TBCK: variants seen among roughly 807,000 people sequenced by gnomAD.
TBCK encodes TBC1 domain containing kinase.
TBCK carries 99 observed loss-of-function variants against 113.4 expected under a neutral mutation model. The ratio of observed to expected loss-of-function variants is 0.87; its 90% confidence interval spans 0.74 to 1.03. The LOEUF (loss-of-function observed/expected upper bound fraction) is 1.03. TBCK is among the 50% of genes least tolerant of loss of function. The pLI is 0.00. For synonymous variants in TBCK, 369 were observed against 370.8 expected, an observed-to-expected ratio of 1.00 and a Z score of 0.05; for missense variants, 1,045 against 1,061.3, an observed-to-expected ratio of 0.98 and a Z score of 0.21.
At chr4:106,297,073 C>T (rs1474911480) in intron 2 of TBCK, among the ~76,000 whole-genome samples, 1 of 152,108 alleles carries the variant, frequency 6.6e-6, no homozygotes, top group East Asian at 1.9e-4. Context: ...CCCTCAGTAT[C>T]CTCTGTAAAT....
At chr4:106,288,156 G>C (rs1460157739) in intron 3 of TBCK, among the ~76,000 whole-genome samples, 1 of 151,298 alleles carries the variant, frequency 6.6e-6, no homozygotes, top group Non-Finnish European at 1.5e-5. Flanking sequence ...AACTCTGGGA[G>C]GCCGAGGCAG....
At chr4:106,107,497 A>T (rs1653804307) in intron 24 of TBCK, among the ~76,000 whole-genome samples, 1 of 152,238 alleles carries the variant, frequency 6.6e-6, no homozygotes, top group African/African-American at 2.4e-5. Flanking sequence ...TCAAAATCAT[A>T]CAATTACATA....
At chr4:106,049,005 A>G (rs183947855) in intron 25 of TBCK, among the ~76,000 whole-genome samples, 5 of 152,304 alleles carry the variant, frequency 3.3e-5, no homozygotes, top group Non-Finnish European at 4.4e-5. Context: ...TGTGTTTAAG[A>G]AAAAGAGCAA....
chr4:106,112,566 G>A (rs569335936), intron 24 of TBCK, among the ~76,000 whole-genome samples: 1 of 152,202 alleles, frequency 6.6e-6, no homozygotes, highest in South Asian at 2.1e-4. Context: ...TTTCCATTCA[G>A]CTCATCAATA....
intron 23 of TBCK, among the ~76,000 whole-genome samples, chr4:106,123,089 C>G (rs926382120): frequency 4.2e-4 from 64 of 152,248 alleles, no homozygotes; most frequent in African/African-American, 1.5e-3. Flanking sequence ...TCACATTGTC[C>G]CTGTTTGCAG....
At chr4:106,079,999 C>T (rs1738669703) in intron 25 of TBCK, among the ~76,000 whole-genome samples, 3 of 152,150 alleles carry the variant, frequency 2.0e-5, no homozygotes, top group Admixed American at 2.0e-4. Flanking sequence ...ATGATCAAAT[C>T]ACCTCCCACC....
chr4:106,121,970 A>G (rs923603100), intron 23 of TBCK, among the ~76,000 whole-genome samples: 1 of 152,150 alleles, frequency 6.6e-6, no homozygotes. Flanking sequence ...AAGAACTAGA[A>G]AAGCAAGAGC....
intron 25 of TBCK, among the ~76,000 whole-genome samples, chr4:106,062,493 C>T (rs1306796334): frequency 6.6e-6 from 1 of 151,886 alleles, no homozygotes; most frequent in Non-Finnish European, 1.5e-5. Flanking sequence ...GTGTTCAAGC[C>T]ACTGGTCATA....
At chr4:106,105,578 G>T (rs1250763800) in intron 24 of TBCK, among the ~76,000 whole-genome samples, 1 of 152,166 alleles carries the variant, frequency 6.6e-6, no homozygotes, top group Non-Finnish European at 1.5e-5. Context: ...CTGAACAAAA[G>T]TCTACCAACT....
chr4:106,194,565 G>A (rs1754005521), intron 21 of TBCK, among the ~76,000 whole-genome samples, 153 bp downstream of exon 21: 1 of 151,880 alleles, frequency 6.6e-6, no homozygotes, highest in Admixed American at 6.6e-5. Context: ...CAGAACAACT[G>A]AAATTCTTTT....
At chr4:106,276,013 G>T (rs1486537655) in intron 3 of TBCK, among the ~76,000 whole-genome samples, 1 of 152,094 alleles carries the variant, frequency 6.6e-6, no homozygotes, top group Non-Finnish European at 1.5e-5. Context: ...CTGACTTGAA[G>T]ATTTACTATA....
chr4:106,158,463 G>A (rs1055622489), intron 23 of TBCK, among the ~76,000 whole-genome samples: 3 of 152,150 alleles, frequency 2.0e-5, no homozygotes, highest in Non-Finnish European at 4.4e-5. Context: ...CAGAATTGGA[G>A]AGAAGTATAC....
intron 10 of TBCK, among the ~76,000 whole-genome samples, chr4:106,246,605 A>C (rs1247880253): frequency 6.6e-6 from 1 of 152,104 alleles, no homozygotes; most frequent in Non-Finnish European, 1.5e-5. Flanking sequence ...CCACTCCTTA[A>C]GGGCAAGAAA....
intron 24 of TBCK, among the ~76,000 whole-genome samples, chr4:106,114,272 C>T (rs564248214): frequency 1.3e-5 from 2 of 152,214 alleles, no homozygotes; most frequent in East Asian, 1.9e-4. Flanking sequence ...ACAACAGCTT[C>T]GGAAATGGAT....
chr4:106,278,796 T>C (rs548964760), intron 3 of TBCK, among the ~76,000 whole-genome samples: 6 of 152,080 alleles, frequency 3.9e-5, no homozygotes, highest in African/African-American at 1.4e-4. Flanking sequence ...CTATCTTATA[T>C]GTGAATGGGT....
intron 22 of TBCK, among the ~76,000 whole-genome samples, chr4:106,171,658 A>T (rs1000350541): frequency 6.6e-6 from 1 of 152,128 alleles, no homozygotes; most frequent in Non-Finnish European, 1.5e-5. Context: ...TGTGAAACAA[A>T]AGTTATAGGG....
intron 5 of TBCK, among the ~76,000 whole-genome samples, chr4:106,258,428 A>T (rs1762204159): frequency 6.6e-6 from 1 of 152,006 alleles, no homozygotes; most frequent in Admixed American, 6.5e-5. Context: ...TTCATGCCTT[A>T]GCTGTTTGAT....
Position 106,235,315 on chromosome 4 carries a change from G to A in TBCK, c.1403C>T (p.Pro468Leu), listed in dbSNP as rs901581080. The A allele has an allele frequency of 1.2e-6, 2 of 1,610,736 alleles. No homozygotes were observed. The highest frequency in any genetic ancestry group is 2.7e-5 in the African/African-American group (2 of 74,702). The stretch of plus-strand genomic sequence containing the variant: ...CCAGGTTAAACCTCTCATAAGAGGA[G>A]GAATGTCAACTCTTGCTTCTTTCCA... The part of the protein sequence containing the change: ...QIWKEARVDI[P>L]PLMRGLTWAA... The change falls in exon 15 of 26, where the codon CCT becomes CTT. Residue 468 changes from proline to leucine, a missense_variant. Pro to Leu is a moderately conservative substitution (Grantham distance 98). Coordinates refer to ENST00000394708, the MANE Select transcript of TBCK (RefSeq NM_001163435.3).
intron 21 of TBCK, 22 bp from the exon 22 acceptor site, chr4:106,193,792 A>G: frequency 6.8e-7 from 1 of 1,464,324 alleles, no homozygotes; most frequent in South Asian, 1.4e-5. Context: ...TAAAAATACA[A>G]ATAAATTAAA....
Sources: allele counts gnomAD v4.1 joint callset (sites outside exome capture counted in the v4.1 genomes callset), GRCh38; gene constraint gnomAD v4.1.1; transcripts MANE v1.5; gene names NCBI Gene and HGNC (gene_info 2026-07-23, HGNC 2026-07-21).